CNTN4: variants seen among roughly 807,000 people sequenced by gnomAD.
CNTN4 encodes the protein contactin-4.
CNTN4 carries 77 observed loss-of-function variants against 122.5 expected under a neutral mutation model. The ratio of observed to expected loss-of-function variants is 0.63; its 90% CI spans 0.52 to 0.76. The LOEUF is 0.76. Among genes scored for constraint, CNTN4 ranks in the 30% least tolerant of loss-of-function variants. CNTN4 has a pLI of 0.00. For missense variants in CNTN4, 1,256 were observed against 1,259.1 expected (o/e 1.00, Z 0.04); for synonymous variants, 512 against 447.0 (o/e 1.15, Z -1.83).
intron 18 of CNTN4, among the ~76,000 whole-genome samples, chr3:3,038,366 TC>T (rs1161245112): frequency 6.6e-6 from 1 of 152,144 alleles, no homozygotes; most frequent in East Asian, 1.9e-4. Context: ...GTCTGCCACT[TC>T]CTTCAACACT....
chr3:2,566,922 A>G (rs905510029), intron 3 of CNTN4, among the ~76,000 whole-genome samples: 13 of 152,312 alleles, frequency 8.5e-5, no homozygotes, highest in African/African-American at 3.1e-4. Context: ...TCAACTTGCT[A>G]ACCAGAGGAG....
intron 4 of CNTN4, among the ~76,000 whole-genome samples, chr3:2,590,392 G>C (rs2080412066): frequency 6.6e-6 from 1 of 152,030 alleles, no homozygotes; most frequent in Non-Finnish European, 1.5e-5. Context: ...CAGTAGCTGG[G>C]ATTACAGACA....
intron 3 of CNTN4, among the ~76,000 whole-genome samples, chr3:2,372,841 A>T (rs1262403919): frequency 6.6e-6 from 1 of 152,116 alleles, no homozygotes; most frequent in Non-Finnish European, 1.5e-5. Context: ...ACTGGAGGCC[A>T]GTTTGAGACC....
At chr3:2,779,246 TTTG>T (rs567852178) in intron 6 of CNTN4, among the ~76,000 whole-genome samples, 1 of 64,634 alleles carries the variant, frequency 1.5e-5, no homozygotes, top group African/African-American at 1.2e-4. Flanking sequence ...TGTTGTTTGT[TTTG>T]TTTGTTTGTT....
At chr3:2,146,066 G>A (rs2035233706) in intron 2 of CNTN4, among the ~76,000 whole-genome samples, 1 of 149,034 alleles carries the variant, frequency 6.7e-6, no homozygotes, top group Non-Finnish European at 1.5e-5. Flanking sequence ...AAATCATTTG[G>A]AAAACAGGTA....
chr3:2,265,049 A>G (rs957816845), intron 2 of CNTN4, among the ~76,000 whole-genome samples: 19 of 152,010 alleles, frequency 1.2e-4, no homozygotes, highest in Admixed American at 2.6e-4. Context: ...AGTCCATTGT[A>G]TCATTCTTAT....
chr3:2,136,491 A>G (rs1343732435), intron 2 of CNTN4, among the ~76,000 whole-genome samples: 3 of 152,280 alleles, frequency 2.0e-5, no homozygotes, highest in African/African-American at 7.2e-5. Context: ...GGCTCTGTGT[A>G]TATATTGGTG....
At chr3:2,324,485 T>TA (rs903956254) in intron 2 of CNTN4, among the ~76,000 whole-genome samples, 35 of 152,322 alleles carry the variant, frequency 2.3e-4, no homozygotes, top group African/African-American at 7.9e-4. Flanking sequence ...CTGTTTTATC[T>TA]AAAAATGTGC....
At position 2,452,665 on chromosome 3, in the gene CNTN4, C is replaced by T. The variant is rs560092904; in HGVS notation, c.-89+113432C>T. On this transcript the variant is annotated intron_variant, in intron 3 of 24. Coordinates refer to ENST00000418658, the MANE Select transcript of CNTN4 (RefSeq NM_175607.3). Reference sequence around the variant, plus strand: ...GTATTTATCTTTAATGAATGCCAGGCTTCTACCCTTTCGGAATCAATCACT... The same window carrying T: ...GTATTTATCTTTAATGAATGCCAGGTTTCTACCCTTTCGGAATCAATCACT... 3.0e-3 allele frequency among the ~76,000 whole-genome samples: 452 copies of T among 152,224 alleles called. 1 individual carries two copies. The highest frequency in any genetic ancestry group is 0.01 in the African/African-American group (435 of 41,532).
intron 6 of CNTN4, among the ~76,000 whole-genome samples, chr3:2,793,851 C>G (rs1195387738): frequency 6.6e-6 from 1 of 152,160 alleles, no homozygotes; most frequent in African/African-American, 2.4e-5. Flanking sequence ...AAAGGGCCCA[C>G]ATAGCATTCA....
chr3:2,601,939 T>C (rs1004669943), intron 4 of CNTN4, among the ~76,000 whole-genome samples: 47 of 152,018 alleles, frequency 3.1e-4, no homozygotes, highest in Middle Eastern at 3.2e-3. Context: ...TGATTCAACA[T>C]ACGCAAATCA....
At chr3:2,378,787 T>A (rs2045914414) in intron 3 of CNTN4, among the ~76,000 whole-genome samples, 1 of 152,166 alleles carries the variant, frequency 6.6e-6, no homozygotes, top group Non-Finnish European at 1.5e-5. Flanking sequence ...GCATTATTTT[T>A]TTTTCTCCCT....
chr3:2,469,917 T>G (rs1213209359), intron 3 of CNTN4, among the ~76,000 whole-genome samples: 2 of 152,198 alleles, frequency 1.3e-5, no homozygotes, highest in Non-Finnish European at 2.9e-5. Context: ...AAGACTGTAT[T>G]AGTGTTTATA....
At chr3:2,792,899 A>G (rs780124353) in intron 6 of CNTN4, among the ~76,000 whole-genome samples, 4 of 152,232 alleles carry the variant, frequency 2.6e-5, no homozygotes, top group Non-Finnish European at 5.9e-5. Flanking sequence ...ATTTATGGAA[A>G]CATTCCTCTG....
chr3:2,855,686 T>C (rs1022234882), intron 7 of CNTN4, among the ~76,000 whole-genome samples: 2 of 152,216 alleles, frequency 1.3e-5, no homozygotes, highest in Non-Finnish European at 2.9e-5. Flanking sequence ...TGTCATCTGG[T>C]AACTCTAGTT....
chr3:2,936,831 C>T (rs1004509931), intron 13 of CNTN4, among the ~76,000 whole-genome samples: 11 of 152,114 alleles, frequency 7.2e-5, no homozygotes, highest in Admixed American at 2.6e-4. Context: ...TTTTGTGACA[C>T]GTAAAAATTA....
chr3:2,861,215 A>G (rs2093668358), intron 7 of CNTN4, among the ~76,000 whole-genome samples: 1 of 152,292 alleles, frequency 6.6e-6, no homozygotes, highest in Middle Eastern at 3.4e-3. Flanking sequence ...CCAAGACTCA[A>G]TTCATGTCTC....
At chr3:2,645,979 T>C (rs773658631) in intron 4 of CNTN4, among the ~76,000 whole-genome samples, 1 of 152,228 alleles carries the variant, frequency 6.6e-6, no homozygotes, top group Non-Finnish European at 1.5e-5. Context: ...AGTGGGAATA[T>C]ATATACTGTA....
intron 3 of CNTN4, among the ~76,000 whole-genome samples, chr3:2,349,804 A>G (rs1212237602): frequency 6.6e-6 from 1 of 152,208 alleles, no homozygotes; most frequent in Non-Finnish European, 1.5e-5. Flanking sequence ...TAATGGACCT[A>G]TATAACACAT....
Sources: gnomAD v4.1 joint callset for allele counts (sites outside exome capture counted in the v4.1 genomes callset) on GRCh38, gnomAD v4.1.1 for gene constraint, MANE v1.5 for transcripts, NCBI Gene and HGNC (gene_info 2026-07-23, HGNC 2026-07-21) for gene names.